WWP1: variants seen among roughly 807,000 people sequenced by gnomAD.
WWP1 encodes the protein NEDD4-like E3 ubiquitin-protein ligase WWP1.
WWP1 carries 49 observed loss-of-function variants against 130.6 expected under a neutral mutation model. The observed-to-expected ratio is 0.38, with a 90% CI of 0.30 to 0.48. The LOEUF (loss-of-function observed/expected upper bound fraction) is 0.48, where lower values mean the gene tolerates loss of function less well. Among genes scored for constraint, WWP1 ranks in the 20% least tolerant of loss-of-function variants. The pLI, the probability that WWP1 is intolerant of heterozygous loss-of-function variation, is 0.99. For synonymous variants in WWP1, 332 were observed against 367.8 expected, an observed-to-expected ratio of 0.90 and a Z score of 1.11; for missense variants, 809 against 1,100.6, an observed-to-expected ratio of 0.74 and a Z score of 3.75.
chr8:86,365,871 C>A (rs748750363), intron 1 of WWP1, among the ~76,000 whole-genome samples: 1 of 151,924 alleles, frequency 6.6e-6, no homozygotes, highest in Non-Finnish European at 1.5e-5. Context: ...ATTGAGAACA[C>A]CAAGTTTATT....
intron 8 of WWP1, among the ~76,000 whole-genome samples, chr8:86,408,339 G>A (rs1419581467): frequency 6.6e-6 from 1 of 152,162 alleles, no homozygotes; most frequent in Non-Finnish European, 1.5e-5. Context: ...GCTCTTACGT[G>A]AATATAAGTC....
chr8:86,388,253 G>T, intron 5 of WWP1, among the ~76,000 whole-genome samples: 3 of 148,026 alleles, frequency 2.0e-5, no homozygotes, highest in Admixed American at 6.7e-5. Flanking sequence ...GTACCAGGTT[G>T]TCTGTTTTTT....
At chr8:86,364,976 G>C (rs1823887904) in intron 1 of WWP1, among the ~76,000 whole-genome samples, 1 of 152,078 alleles carries the variant, frequency 6.6e-6, no homozygotes, top group South Asian at 2.1e-4. Context: ...AATAGGAAGA[G>C]AGTGCATTTA....
chr8:86,363,429 C>A (rs1228516344), intron 1 of WWP1, among the ~76,000 whole-genome samples: 1 of 151,922 alleles, frequency 6.6e-6, no homozygotes, highest in East Asian at 1.9e-4. Context: ...TCTTTTGGGG[C>A]CTAGTGCAGG....
chr8:86,393,931 T>C (rs1028292004), intron 5 of WWP1, among the ~76,000 whole-genome samples: 1 of 152,220 alleles, frequency 6.6e-6, no homozygotes, highest in African/African-American at 2.4e-5. Flanking sequence ...CTTGTTCTCT[T>C]GGAGTACTCA....
intron 2 of WWP1, among the ~76,000 whole-genome samples, chr8:86,369,870 G>C (rs1277931736): frequency 1.3e-5 from 2 of 151,734 alleles, no homozygotes; most frequent in Admixed American, 1.3e-4. Flanking sequence ...ATACTTTACT[G>C]TATCTACTTC....
At chr8:86,375,862 C>T (rs577123842) in intron 3 of WWP1, among the ~76,000 whole-genome samples, 2 of 152,308 alleles carry the variant, frequency 1.3e-5, no homozygotes, top group Non-Finnish European at 2.9e-5. Flanking sequence ...ATGGGGTCTG[C>T]ACCATTTTGT....
chr8:86,362,003 CACACATATATATAT>C (rs1823643344), intron 1 of WWP1, among the ~76,000 whole-genome samples: 1 of 71,406 alleles, frequency 1.4e-5, no homozygotes, highest in African/African-American at 3.1e-5. Flanking sequence ...CATATATATA[CACACATATATATAT>C]ACACATATAT....
At chr8:86,358,665 T>G (rs1823392113) in intron 1 of WWP1, among the ~76,000 whole-genome samples, 1 of 151,792 alleles carries the variant, frequency 6.6e-6, no homozygotes, top group Non-Finnish European at 1.5e-5. Flanking sequence ...TCCTTTATTT[T>G]GGGTATATAT....
chr8:86,464,743 TG>T (rs1358128423), intron 24 of WWP1, among the ~76,000 whole-genome samples: 1 of 152,120 alleles, frequency 6.6e-6, no homozygotes, highest in Non-Finnish European at 1.5e-5. Flanking sequence ...TCTTAAACTC[TG>T]GGCTCAAGCT....
At chr8:86,414,757 TAG>T (rs927157138) in intron 9 of WWP1, among the ~76,000 whole-genome samples, 8 of 152,148 alleles carry the variant, frequency 5.3e-5, no homozygotes, top group African/African-American at 1.9e-4. Flanking sequence ...TCACTTTATA[TAG>T]AGATATGTAG....
chr8:86,424,229 C>T (rs867874971), intron 9 of WWP1, among the ~76,000 whole-genome samples: 154 of 150,972 alleles, frequency 1.0e-3, no homozygotes, highest in African/African-American at 3.4e-3. Context: ...AGAGGCGCTC[C>T]CCACATCTCA....
At chr8:86,409,328 G>A (rs1198585043) in intron 8 of WWP1, among the ~76,000 whole-genome samples, 1 of 145,590 alleles carries the variant, frequency 6.9e-6, no homozygotes. Context: ...CTACCTCCCG[G>A]ATTCAAGCAA....
chr8:86,362,983 G>A (rs900678443), intron 1 of WWP1, among the ~76,000 whole-genome samples: 3 of 151,962 alleles, frequency 2.0e-5, no homozygotes, highest in African/African-American at 7.3e-5. Context: ...TTTTTCTCAT[G>A]CTTAATAATT....
At chr8:86,354,870 CTA>C (rs1205050879) in intron 1 of WWP1, among the ~76,000 whole-genome samples, 2 of 152,046 alleles carry the variant, frequency 1.3e-5, no homozygotes, top group African/African-American at 4.8e-5. Context: ...AGGAAATTAA[CTA>C]TTATTGGGCA....
At chr8:86,431,963 A>G (rs1301737091) in intron 14 of WWP1, among the ~76,000 whole-genome samples, 1 of 152,216 alleles carries the variant, frequency 6.6e-6, no homozygotes, top group East Asian at 1.9e-4. Context: ...GGATTGTTCT[A>G]AGTACTTCAT....
At chr8:86,351,799 C>T (rs1035506096) in intron 1 of WWP1, among the ~76,000 whole-genome samples, 11 of 152,082 alleles carry the variant, frequency 7.2e-5, no homozygotes, top group African/African-American at 2.2e-4. Flanking sequence ...TTTGTCAAAG[C>T]GCAATCCTTA....
intron 16 of WWP1, among the ~76,000 whole-genome samples, chr8:86,437,638 G>T (rs1212013827): frequency 6.6e-6 from 1 of 152,140 alleles, no homozygotes; most frequent in Admixed American, 6.5e-5. Context: ...GGGGCTAGGG[G>T]TGCTGACCCC....
chr8:86,394,714 T>C (rs1807551426), intron 5 of WWP1, among the ~76,000 whole-genome samples: 1 of 152,122 alleles, frequency 6.6e-6, no homozygotes, highest in Admixed American at 6.5e-5. Context: ...TCTTTTTCCC[T>C]CTGACACACA....
Sources: gnomAD v4.1 joint callset for allele counts (sites outside exome capture counted in the v4.1 genomes callset) on GRCh38, gnomAD v4.1.1 for gene constraint, MANE v1.5 for transcripts, NCBI Gene and HGNC (gene_info 2026-07-23, HGNC 2026-07-21) for gene names.